The following PAFAH1B1 variants were observed in gnomAD, a reference collection of about 807,000 sequenced individuals.
PAFAH1B1 encodes platelet activating factor acetylhydrolase 1b regulatory subunit 1.
PAFAH1B1 carries 2 observed loss-of-function variants against 57.5 expected under a neutral mutation model. That is an observed-to-expected ratio of 0.03 (90% CI 0.01 to 0.11). The LOEUF (loss-of-function observed/expected upper bound fraction) is 0.11, where lower values mean the gene tolerates loss of function less well. Ranked by LOEUF, PAFAH1B1 falls within the 10% of genes least tolerant of loss-of-function variation. The pLI, the probability that PAFAH1B1 is intolerant of heterozygous loss-of-function variation, is 1.00. For synonymous variants in PAFAH1B1, 152 were observed against 169.6 expected (o/e 0.90, Z 0.81); for missense variants, 257 against 512.0 (o/e 0.50, Z 4.81).
intron 1 of PAFAH1B1, among the ~76,000 whole-genome samples, chr17:2,635,821 C>G (rs2068615554): frequency 6.6e-6 from 1 of 151,738 alleles, no homozygotes; most frequent in Non-Finnish European, 1.5e-5. Context: ...TATAATTGAG[C>G]CAGGCATGGT....
chr17:2,594,424 G>A (rs535889326), intron 1 of PAFAH1B1, among the ~76,000 whole-genome samples: 1 of 152,286 alleles, frequency 6.6e-6, no homozygotes, highest in Admixed American at 6.5e-5. Flanking sequence ...GAAAAGGATC[G>A]GCCCTGCTCT....
intron 2 of PAFAH1B1, among the ~76,000 whole-genome samples, chr17:2,655,092 G>A (rs2068919758): frequency 1.3e-5 from 2 of 151,672 alleles, no homozygotes; most frequent in South Asian, 4.1e-4. Context: ...GAGCCACCAT[G>A]CCCAGCTTGT....
At chr17:2,672,285 CAAAAAAAA>C (rs35332619) in intron 6 of PAFAH1B1, among the ~76,000 whole-genome samples, 66 of 69,594 alleles carry the variant, frequency 9.5e-4, no homozygotes, top group Middle Eastern at 0.032. Flanking sequence ...CCTTGCCTCA[CAAAAAAAA>C]AAAAAAAAAA....
intron 2 of PAFAH1B1, among the ~76,000 whole-genome samples, chr17:2,656,216 G>A (rs907705028): frequency 2.8e-4 from 42 of 152,196 alleles, no homozygotes; most frequent in Middle Eastern, 6.8e-3. Flanking sequence ...GAGCCACTGC[G>A]CCTGGCCACA....
chr17:2,663,084 G>T (rs776641193), intron 2 of PAFAH1B1, among the ~76,000 whole-genome samples: 1 of 152,106 alleles, frequency 6.6e-6, no homozygotes, highest in Non-Finnish European at 1.5e-5. Flanking sequence ...TTGCACCCCA[G>T]CCTGGGCAAT....
rs2069423829 is a variant in PAFAH1B1, at chr17:2,683,846, A to C, written c.*2044A>C. Reference sequence around the variant, plus strand: ...GTCCTATTTTGAGAAATATAAATACATAGAAATGGTGCATCTTAACATTTG... The same window carrying C: ...GTCCTATTTTGAGAAATATAAATACCTAGAAATGGTGCATCTTAACATTTG... On this transcript the variant is annotated 3_prime_UTR_variant, in exon 11 of 11. Coordinates refer to ENST00000397195, the MANE Select transcript of PAFAH1B1 (RefSeq NM_000430.4). 6.6e-6 allele frequency: 1 copy of C among 152,660 alleles called. No individual in the cohort carries two copies. The highest frequency in any genetic ancestry group is 2.1e-4 in the South Asian group (1 of 4,834). 9.5% of individuals were successfully genotyped at this position (152,660 alleles called of 1,614,324 possible). A position where few individuals can be genotyped will look rare whatever the true frequency, so the allele number is the denominator to read the frequency against.
At chr17:2,632,450 C>A (rs1027899779) in intron 1 of PAFAH1B1, among the ~76,000 whole-genome samples, 1 of 152,228 alleles carries the variant, frequency 6.6e-6, no homozygotes, top group Middle Eastern at 3.4e-3. Context: ...AGAGGTTTCC[C>A]TTTCTATCTC....
intron 1 of PAFAH1B1, among the ~76,000 whole-genome samples, chr17:2,626,743 T>C (rs1597531616): frequency 6.6e-6 from 1 of 151,808 alleles, no homozygotes; most frequent in Non-Finnish European, 1.5e-5. Context: ...TTAGTAGAGA[T>C]AGGGTTTCAC....
upstream of PAFAH1B1, among the ~76,000 whole-genome samples, chr17:2,593,590 GGGCGGCGGCGGCGGC>G (rs552674446): frequency 8.1e-5 from 12 of 148,766 alleles, no homozygotes; most frequent in Non-Finnish European, 1.0e-4. Context: ...GGCGGGTCTG[GGGCGGCGGCGGCGGC>G]GGCGGCGGCG....
chr17:2,663,972 C>T (rs374101309), intron 2 of PAFAH1B1, among the ~76,000 whole-genome samples: 4 of 151,968 alleles, frequency 2.6e-5, no homozygotes, highest in African/African-American at 9.7e-5. Context: ...AGATTACAGG[C>T]GTGAGCCACC....
At chr17:2,599,402 T>C (rs142889390) in intron 1 of PAFAH1B1, among the ~76,000 whole-genome samples, 1 of 152,230 alleles carries the variant, frequency 6.6e-6, no homozygotes, top group African/African-American at 2.4e-5. Context: ...GTGGTATTTA[T>C]TGCCTGCATC....
intron 2 of PAFAH1B1, among the ~76,000 whole-genome samples, chr17:2,660,395 C>A (rs1047133713): frequency 2.6e-5 from 4 of 152,106 alleles, no homozygotes; most frequent in Admixed American, 2.0e-4. Flanking sequence ...TGCTCTCCCT[C>A]CCCTCAACCC....
intron 1 of PAFAH1B1, among the ~76,000 whole-genome samples, chr17:2,622,316 C>T (rs2068434658): frequency 6.6e-6 from 1 of 152,172 alleles, no homozygotes; most frequent in Admixed American, 6.6e-5. Context: ...AGGCAAGTCC[C>T]TTCTGCCTAT....
At position 2,648,002 on chromosome 17, in the gene PAFAH1B1, A is replaced by AAAAT. The variant is rs566292815; in HGVS notation, c.32+9706_32+9709dup. Among the ~76,000 whole-genome samples, 527 of 152,038 alleles carry AAAAT rather than the reference A, an allele frequency of 3.5e-3. 2 individuals are homozygous for AAAAT. The highest frequency in any genetic ancestry group is 0.01 in the South Asian group (49 of 4,804). ...CTGGGCAACAGAGTGAGACTCTCTCAAAATAAATAAATAAATAAATAAATA... is the reference window on the plus strand; with the variant it reads ...CTGGGCAACAGAGTGAGACTCTCTCAAAATAAATAAATAAATAAATAAATAAATA... On this transcript the variant is annotated intron_variant, in intron 2 of 10. Transcript: ENST00000397195.
chr17:2,683,603 C>T lies in PAFAH1B1; in HGVS notation c.*1801C>T, dbSNP rs1166009293. 1 of 152,364 alleles carries T rather than the reference C, an allele frequency of 6.6e-6. No homozygotes were observed. Among genetic ancestry groups the T allele is most frequent in the Non-Finnish European group, 1.5e-5 (1 of 68,032 alleles). 9.4% of individuals were successfully genotyped at this position (152,364 alleles called of 1,614,324 possible). Reference sequence around the variant, plus strand: ...TTGTTTTTAGATTCCTGAGAGATGTCTCTGGAAGGGAAAGTTTTGAGAACT... The same window carrying T: ...TTGTTTTTAGATTCCTGAGAGATGTTTCTGGAAGGGAAAGTTTTGAGAACT... On this transcript the variant is annotated 3_prime_UTR_variant, in exon 11 of 11. Coordinates refer to ENST00000397195, the MANE Select transcript of PAFAH1B1 (RefSeq NM_000430.4).
intron 2 of PAFAH1B1, among the ~76,000 whole-genome samples, chr17:2,645,041 G>C (rs142520559): frequency 8.8e-4 from 134 of 152,232 alleles, no homozygotes; most frequent in African/African-American, 3.1e-3. Flanking sequence ...GAGCACAGAG[G>C]TTCAAGACCA....
chr17:2,622,015 G>C (rs985498040), intron 1 of PAFAH1B1, among the ~76,000 whole-genome samples: 1 of 152,126 alleles, frequency 6.6e-6, no homozygotes, highest in Admixed American at 6.6e-5. Flanking sequence ...AATCCCATCC[G>C]ATCTCGTGAG....
At chr17:2,655,299 A>T (rs766940819) in intron 2 of PAFAH1B1, among the ~76,000 whole-genome samples, 8 of 152,082 alleles carry the variant, frequency 5.3e-5, no homozygotes, top group Non-Finnish European at 1.0e-4. Flanking sequence ...GAGAATTCAT[A>T]CAAAGCCCTT....
chr17:2,647,069 G>A (rs1400906590), intron 2 of PAFAH1B1, among the ~76,000 whole-genome samples: 1 of 152,122 alleles, frequency 6.6e-6, no homozygotes, highest in African/African-American at 2.4e-5. Flanking sequence ...AATAAATTTG[G>A]CTGGGCACAG....
Sources: gnomAD v4.1 joint callset for allele counts (sites outside exome capture counted in the v4.1 genomes callset) on GRCh38, gnomAD v4.1.1 for gene constraint, MANE v1.5 for transcripts, NCBI Gene and HGNC (gene_info 2026-07-23, HGNC 2026-07-21) for gene names.